CERCAM: variants seen among roughly 807,000 people sequenced by gnomAD.
CERCAM encodes the protein cerebral endothelial cell adhesion molecule.
In CERCAM, 59 loss-of-function variants were observed where a neutral mutation model predicts 66.0. The ratio of observed to expected loss-of-function variants is 0.89; its 90% CI spans 0.73 to 1.11. CERCAM has a LOEUF of 1.11. CERCAM is among the 50% of genes most tolerant of loss of function. The pLI is 0.00. For synonymous variants in CERCAM, 318 were observed against 343.6 expected (o/e 0.93, Z 0.83); for missense variants, 840 against 828.3 (o/e 1.01, Z -0.17).
In CERCAM at chr9:128,435,876, C is replaced by T. The variant is rs75704806; in HGVS notation, c.1759C>T (p.Leu587Phe). Residue 587 changes from leucine to phenylalanine, a missense_variant, in exon 12 of 13, where the codon CTC becomes TTC. Transcript: ENST00000372838. ...CCTGACTGGCAGCAGCGGGCACAGC[C>T]TCCAACCCCAGCCCCGAGATGAGCT... is the stretch of plus-strand genomic sequence containing the variant. ...LDLTGSSGHS[L>F]QPQPRDEL The T allele has an allele frequency of 6.1e-4, 982 of 1,607,510 alleles. 9 individuals carry two copies. In the African/African-American group the frequency reaches 0.011, roughly 18 times the overall value.
At chr9:128,423,990 C>T (rs146877881) in intron 3 of CERCAM, 148 bp from the exon 4 acceptor site, 14 of 841,220 alleles carry the variant, frequency 1.7e-5, no homozygotes, top group Middle Eastern at 3.7e-4. Context: ...GGTCCAGAAA[C>T]AGATGTACTG....
rs1463338211 is a variant in CERCAM, at chr9:128,424,495, C to A, written c.647C>A (p.Thr216Asn). ...TTCCGTGTCCCCATGGTCCACTCCA[C>A]CTTCCTTGCATCCCTGCGGGCTGAA... ...GCFRVPMVHS[T>N]FLASLRAEGA... Residue 216 changes from threonine (T) to asparagine (N), a missense_variant, in exon 5 of 13, where the codon ACC becomes AAC. Transcript: ENST00000372838. 6.2e-7 allele frequency: 1 copy of A among 1,614,148 alleles called. No homozygotes were observed. Among genetic ancestry groups the A allele is most frequent in the South Asian group, 1.1e-5 (1 of 91,076 alleles).
rs111695514 is a variant in CERCAM, at chr9:128,434,531, C to T, written c.1453C>T (p.Arg485Cys). Residue 485 changes from arginine to cysteine, a missense_variant, in exon 11 of 13, where the codon CGC (arginine) becomes TGC (cysteine). Coordinates refer to ENST00000372838, the MANE Select transcript of CERCAM (RefSeq NM_016174.5). This position sits in a 1 kb window ranked among gnomAD's most constrained non-coding sequence, Gnocchi z 4.5. ...CTATGCCCTGCGTCTGGCGGGTGCC[C>T]GCAAGCTGCTGGCCTCACAGCCTCT... ...LAYALRLAGA[R>C]KLLASQPLRR... 47 of 1,612,740 alleles carry T rather than the reference C, an allele frequency of 2.9e-5. No homozygotes were observed. In the Admixed American group the frequency reaches 3.3e-4, roughly 11 times the overall value.
rs374028358 is a variant in CERCAM at position 128,428,403 on chromosome 9, C to T, written c.868C>T (p.Leu290=). 2.3e-5 allele frequency: 37 copies of T among 1,614,010 alleles called. No homozygotes were observed. The African/African-American group carries it at 4.8e-4, about 21-fold the overall frequency. ...AGACGAGAGGGTCAACTTCATCCAC[C>T]TGATCTTAGAAGCACTAGGTGAGGG... ...LEDERVNFIH[L]ILEALVDGPR... Residue 290 remains leucine, a synonymous_variant, in exon 6 of 13, where the codon CTG becomes TTG. Transcript: ENST00000372838.
chr9:128,428,867 A>G, intron 7 of CERCAM, 34 bp downstream of exon 7: 1 of 1,611,302 alleles, frequency 6.2e-7, no homozygotes, highest in Non-Finnish European at 8.5e-7. Flanking sequence ...CGCTGTTAGG[A>G]GGTGGATGGG....
Position 128,423,230 on chromosome 9 carries a change from C to G in CERCAM, c.393C>G (p.Thr131=). The G allele has an allele frequency of 6.2e-7, 1 of 1,614,092 alleles. No individual in the cohort carries two copies. ...FLMELKQEAL[T]FARNWGADYI... is the part of the protein sequence containing the mutation. ...TGGAGCTGAAGCAGGAAGCCCTCAC[C>G]TTTGCCAGGAACTGGGGGGCCGACT... The change falls in exon 3 of 13, where the codon ACC becomes ACG. Residue 131 remains threonine (T), a synonymous_variant. Coordinates refer to ENST00000372838, the MANE Select transcript of CERCAM (RefSeq NM_016174.5).
At chr9:128,435,938 G>A (rs566219575) in intron 12 of CERCAM, 33 bp downstream of exon 12, 57 of 1,564,080 alleles carry the variant, frequency 3.6e-5, no homozygotes, top group South Asian at 2.4e-4. Context: ...CCCCAGCCCC[G>A]TAGACCTTGG....
chr9:128,431,304 G>GT lies in CERCAM; in HGVS notation c.1203+2dup. 2 of 1,613,966 alleles carry GT rather than the reference G, an allele frequency of 1.2e-6. No homozygotes were observed. The highest frequency in any genetic ancestry group is 2.2e-5 in the South Asian group (2 of 91,082). On this transcript the variant is annotated splice_donor_variant, in intron 9 of 12. Coordinates refer to ENST00000372838, the MANE Select transcript of CERCAM (RefSeq NM_016174.5). LOFTEE classifies it high-confidence loss of function. ...CAGCCATTACTCCATCTGGGAAGAG[G>GT]TGAGGGTGCCTGCTTCCTCCATCCA...
intron 1 of CERCAM, 139 bp downstream of exon 1, chr9:128,421,213 C>A: frequency 8.1e-7 from 1 of 1,236,522 alleles, no homozygotes; most frequent in Non-Finnish European, 1.0e-6. Context: ...GACGGCCCTG[C>A]CAGCCCGAGC....
upstream of CERCAM, chr9:128,420,801 C>T (rs534335355): frequency 1.5e-5 from 9 of 617,982 alleles, no homozygotes; most frequent in Non-Finnish European, 1.8e-5. The surrounding 1 kb of genome is among the most constrained non-coding windows in gnomAD (Gnocchi z 5.0). Context: ...CGGCCCCGCC[C>T]GGGCCCCAGG....
At chr9:128,431,700 AG>A in intron 9 of CERCAM, 1 of 176,830 alleles carries the variant, frequency 5.7e-6, no homozygotes, top group Admixed American at 5.9e-5. Flanking sequence ...GGAGGGGGTC[AG>A]AATGGACCTC....
rs748513035 is a variant in CERCAM, at chr9:128,431,239, C to T, written c.1139C>T (p.Ser380Leu). 4.3e-6 allele frequency: 7 copies of T among 1,614,076 alleles called. No homozygotes were observed. The East Asian group carries it at 8.9e-5, about 21-fold the overall frequency. ...CTCCCGGGCTACCAGGACCCTTACT[C>T]GGGCCGCACTCTGACCAAGGGCGAG... ...DLLPGYQDPY[S>L]GRTLTKGEVG... The change falls in exon 9 of 13, where the codon TCG (serine) becomes TTG (leucine). Residue 380 changes from serine (S) to leucine (L), a missense_variant. Transcript: ENST00000372838.
chr9:128,434,283 G>A lies in CERCAM; in HGVS notation c.1331+54G>A. ...GGGGCAGGGTGGGCCTCCGGAGTCT[G>A]CCTTTTCCTGCTTGGGACCCTGGCC... is the stretch of plus-strand genomic sequence containing the variant. On this transcript the variant is annotated intron_variant, in intron 10 of 12. Coordinates refer to ENST00000372838, the MANE Select transcript of CERCAM (RefSeq NM_016174.5). This position sits in a 1 kb window ranked among gnomAD's most constrained non-coding sequence, Gnocchi z 4.5. 1.2e-6 allele frequency: 2 copies of A among 1,608,362 alleles called. No individual in the cohort carries two copies. Among genetic ancestry groups the A allele is most frequent in the South Asian group, 1.1e-5 (1 of 90,638 alleles).
chr9:128,428,539 C>T (rs1455044658), intron 6 of CERCAM, 118 bp downstream of exon 6: 3 of 1,321,124 alleles, frequency 2.3e-6, no homozygotes, highest in East Asian at 4.9e-5. Flanking sequence ...CAGCTTTGTC[C>T]CTAACTCGTT....
intron 1 of CERCAM, 103 bp from the exon 2 acceptor site, chr9:128,422,765 A>G (rs999040294): frequency 9.0e-6 from 12 of 1,329,530 alleles, no homozygotes; most frequent in Non-Finnish European, 1.2e-5. Context: ...CACTGTTCCA[A>G]GGAGAGCTCG....
intron 9 of CERCAM, 164 bp downstream of exon 9, chr9:128,431,467 C>T (rs1173548245): frequency 1.2e-6 from 1 of 805,544 alleles, no homozygotes; most frequent in Non-Finnish European, 1.9e-6. Context: ...CACCACTAAG[C>T]GGTGCTTGTT....
chr9:128,431,086 G>T, intron 8 of CERCAM, 85 bp from the exon 9 acceptor site: 1 of 1,500,148 alleles, frequency 6.7e-7, no homozygotes, highest in South Asian at 1.2e-5. Flanking sequence ...ACTCCAGTGT[G>T]ACTGTCCCCA....
intron 8 of CERCAM, among the ~76,000 whole-genome samples, chr9:128,430,382 G>A (rs183691557): frequency 6.6e-5 from 10 of 151,814 alleles, no homozygotes; most frequent in Admixed American, 3.3e-4. Context: ...AGCCTGGGCC[G>A]ACAACAGTGA....
chr9:128,425,302 G>A (rs985962546), intron 5 of CERCAM, among the ~76,000 whole-genome samples: 9 of 151,808 alleles, frequency 5.9e-5, no homozygotes, highest in African/African-American at 1.5e-4. Flanking sequence ...TGATCTGCCC[G>A]CCTCGGCCTC....
Sources: gnomAD v4.1 joint callset for allele counts (sites outside exome capture counted in the v4.1 genomes callset) on GRCh38, gnomAD v4.1.1 for gene constraint, Gnocchi (gnomAD v3.1) non-coding constraint, MANE v1.5 for transcripts, NCBI Gene and HGNC (gene_info 2026-07-23, HGNC 2026-07-21) for gene names.